FAT3: variants seen among roughly 807,000 people sequenced by gnomAD.
FAT3 encodes the protein FAT atypical cadherin 3, also known as protocadherin Fat 3.
Under a neutral mutation model 310.2 loss-of-function variants are expected in FAT3, and 95 were observed. The observed-to-expected ratio is 0.31, with a 90% CI of 0.26 to 0.36. FAT3 has a LOEUF of 0.36. Ranked by LOEUF, FAT3 falls within the 10% of genes least tolerant of loss-of-function variation. FAT3 has a pLI of 1.00. For missense variants in FAT3, 5,408 were observed against 5,715.6 expected, an observed-to-expected ratio of 0.95 and a Z score of 1.74; for synonymous variants, 2,314 against 2,192.9, an observed-to-expected ratio of 1.06 and a Z score of -1.54.
chr11:92,545,479 G>A (rs1162248572), intron 3 of FAT3, among the ~76,000 whole-genome samples: 1 of 152,142 alleles, frequency 6.6e-6, no homozygotes, highest in African/African-American at 2.4e-5. Context: ...TTTGTTGAAT[G>A]AATAAATGAA....
At chr11:92,690,953 T>G (rs1224116599) in intron 3 of FAT3, among the ~76,000 whole-genome samples, 1 of 152,206 alleles carries the variant, frequency 6.6e-6, no homozygotes, top group Admixed American at 6.5e-5. Context: ...CTTTCCTCCT[T>G]TTGAGAAATA....
chr11:92,634,943 C>G (rs1287099251), intron 3 of FAT3, among the ~76,000 whole-genome samples: 1 of 152,184 alleles, frequency 6.6e-6, no homozygotes, highest in African/African-American at 2.4e-5. Context: ...TCCACCATCC[C>G]TCTTTCCCTC....
intron 13 of FAT3, among the ~76,000 whole-genome samples, chr11:92,820,526 C>T (rs544978236): frequency 7.9e-5 from 12 of 152,220 alleles, no homozygotes; most frequent in African/African-American, 2.2e-4. Flanking sequence ...GGATCACTTG[C>T]CCCAGGGGAA....
intron 1 of FAT3, among the ~76,000 whole-genome samples, chr11:92,279,631 A>G (rs1306493611): frequency 6.6e-6 from 1 of 152,144 alleles, no homozygotes; most frequent in Non-Finnish European, 1.5e-5. Flanking sequence ...ATGTGTAGTG[A>G]TCAAGTCAGG....
rs376988853 is a variant in FAT3, at chr11:92,593,418, G to A, written c.3607+68470G>A. 2.9e-3 allele frequency among the ~76,000 whole-genome samples: 447 copies of A among 151,560 alleles called. 2 individuals carry two copies. Among genetic ancestry groups the A allele is most frequent in the South Asian group, 5.4e-3 (26 of 4,786 alleles). On this transcript the variant is annotated intron_variant, in intron 3 of 27. Coordinates refer to ENST00000525166, the MANE Select transcript of FAT3 (RefSeq NM_001367949.2). ...TTTTACATTCCTATCTGCAGTGCAC[G>A]TAACAGTTGTCACATGCCATTTTCT...
At chr11:92,639,584 C>T (rs556484995) in intron 3 of FAT3, among the ~76,000 whole-genome samples, 4 of 152,286 alleles carry the variant, frequency 2.6e-5, no homozygotes, top group African/African-American at 9.6e-5. Flanking sequence ...CATTTAATGT[C>T]TGAGCATGGT....
intron 2 of FAT3, among the ~76,000 whole-genome samples, chr11:92,398,545 A>AAGTCATATT (rs1423818658): frequency 2.8e-4 from 43 of 151,476 alleles, no homozygotes; most frequent in African/African-American, 1.0e-3. Flanking sequence ...ATAAGGACAC[A>AAGTCATATT]AGTCATATTG....
chr11:92,684,798 C>T (rs1025185423), intron 3 of FAT3, among the ~76,000 whole-genome samples: 1 of 152,132 alleles, frequency 6.6e-6, no homozygotes, highest in East Asian at 1.9e-4. Context: ...CTGATTCTTC[C>T]TGACTCTTTC....
Position 92,373,744 on chromosome 11 carries a change from C to T in FAT3, c.3292+18340C>T, listed in dbSNP as rs1325673185. 3.4e-5 allele frequency among the ~76,000 whole-genome samples: 5 copies of T among 147,954 alleles called. No individual in the cohort carries two copies. The Admixed American group carries it at 3.4e-4, about 10-fold the overall frequency. On this transcript the variant is annotated intron_variant, in intron 2 of 27. Coordinates refer to ENST00000525166, the MANE Select transcript of FAT3 (RefSeq NM_001367949.2). ...GGCAGGGTTTCCAGAGAGACAGAAC[C>T]AGTGGAGATATGTATGCACACACAC...
At chr11:92,445,122 G>C (rs1441537936) in intron 2 of FAT3, among the ~76,000 whole-genome samples, 1 of 152,110 alleles carries the variant, frequency 6.6e-6, no homozygotes, top group Non-Finnish European at 1.5e-5. Context: ...CTGTGATCTT[G>C]GACTTTTAAC....
intron 7 of FAT3, among the ~76,000 whole-genome samples, chr11:92,789,442 A>G (rs906550947): frequency 6.6e-6 from 1 of 152,166 alleles, no homozygotes; most frequent in African/African-American, 2.4e-5. Flanking sequence ...CTGGACCCCT[A>G]CTATCAGGAC....
intron 1 of FAT3, among the ~76,000 whole-genome samples, chr11:92,313,027 T>A (rs1349811861): frequency 6.6e-6 from 1 of 152,244 alleles, no homozygotes; most frequent in Admixed American, 6.5e-5. Flanking sequence ...CCCAGCTTTC[T>A]AATCTCTAAA....
intron 1 of FAT3, among the ~76,000 whole-genome samples, 175 bp from the exon 2 acceptor site, chr11:92,351,921 G>A (rs1948578335): frequency 6.6e-6 from 1 of 152,130 alleles, no homozygotes; most frequent in Admixed American, 6.5e-5. Flanking sequence ...GTAATCTTAA[G>A]TTCCTTATTA....
At chr11:92,854,416 T>C (rs1948917721) in intron 19 of FAT3, among the ~76,000 whole-genome samples, 1 of 151,872 alleles carries the variant, frequency 6.6e-6, no homozygotes, top group Admixed American at 6.6e-5. Flanking sequence ...AGTAGGGGGG[T>C]GGGGCTCCCA....
chr11:92,458,054 GC>G (rs1951541633), intron 2 of FAT3, among the ~76,000 whole-genome samples: 1 of 152,188 alleles, frequency 6.6e-6, no homozygotes, highest in Non-Finnish European at 1.5e-5. Flanking sequence ...CTTCTTTAAA[GC>G]CTACTGCTTA....
chr11:92,541,833 G>C (rs1204301951), intron 3 of FAT3, among the ~76,000 whole-genome samples: 1 of 152,052 alleles, frequency 6.6e-6, no homozygotes, highest in Non-Finnish European at 1.5e-5. Context: ...ATAAATAGGA[G>C]AAATACGGGA....
intron 3 of FAT3, among the ~76,000 whole-genome samples, chr11:92,534,831 A>T (rs1954199929): frequency 6.6e-6 from 1 of 152,234 alleles, no homozygotes; most frequent in Admixed American, 6.5e-5. Flanking sequence ...AACTGAAGCC[A>T]CATAAGACAG....
chr11:92,499,994 C>G (rs989692359), intron 2 of FAT3, among the ~76,000 whole-genome samples: 5 of 151,938 alleles, frequency 3.3e-5, no homozygotes, highest in African/African-American at 1.2e-4. Context: ...GGACTGAAAT[C>G]TAAGCAATAT....
At chr11:92,585,144 G>C (rs1478791018) in intron 3 of FAT3, among the ~76,000 whole-genome samples, 1 of 152,044 alleles carries the variant, frequency 6.6e-6, no homozygotes, top group Non-Finnish European at 1.5e-5. Flanking sequence ...AGATGTCCCA[G>C]ATTCTGTTGT....
Sources: allele counts gnomAD v4.1 joint callset (sites outside exome capture counted in the v4.1 genomes callset), GRCh38; gene constraint gnomAD v4.1.1; transcripts MANE v1.5; gene names NCBI Gene and HGNC (gene_info 2026-07-23, HGNC 2026-07-21).